GABRB3: variants seen among roughly 807,000 people sequenced by gnomAD.
GABRB3 encodes the protein gamma-aminobutyric acid type A receptor subunit beta3, also known as gamma-aminobutyric acid receptor subunit beta-3.
In GABRB3, 14 loss-of-function variants were observed where a neutral mutation model predicts 52.1. The observed-to-expected ratio is 0.27, with a 90% CI of 0.18 to 0.42. GABRB3 has a LOEUF of 0.42. GABRB3 is among the 10% of genes least tolerant of loss of function. The probability of loss-of-function intolerance (pLI) is 1.00; values close to 1 mark genes in which losing one functional copy is unlikely to be tolerated. For synonymous variants in GABRB3, 260 were observed against 232.3 expected (o/e 1.12, Z -1.08); for missense variants, 307 against 609.1 (o/e 0.50, Z 5.22).
At chr15:26,552,370 A>T (rs1399939567) in intron 8 of GABRB3, among the ~76,000 whole-genome samples, 3 of 152,196 alleles carry the variant, frequency 2.0e-5, no homozygotes, top group Non-Finnish European at 4.4e-5. Context: ...AAACTCTTTA[A>T]ATGACAAAGT....
intron 3 of GABRB3, among the ~76,000 whole-genome samples, chr15:26,732,396 T>A (rs1382696486): frequency 5.3e-5 from 8 of 152,076 alleles, no homozygotes; most frequent in African/African-American, 1.9e-4. Flanking sequence ...TCACACTTCT[T>A]CTTACAGTCC....
chr15:26,682,884 C>T (rs1888282089), intron 3 of GABRB3, among the ~76,000 whole-genome samples: 1 of 152,210 alleles, frequency 6.6e-6, no homozygotes, highest in African/African-American at 2.4e-5. Context: ...GCTGGGGACA[C>T]AGCCGGCCAC....
chr15:26,699,412 T>G lies in GABRB3; in HGVS notation c.240+72990A>C, dbSNP rs560577897. ...TCAGCAAGTTAAAATTCACAATGTC[T>G]GGCATCCAAACAGAGATTACCAGAC... On this transcript the variant is annotated intron_variant, in intron 3 of 8. Transcript: ENST00000311550. Among the ~76,000 whole-genome samples, 15 of 151,880 alleles carry G rather than the reference T, an allele frequency of 9.9e-5. No individual in the cohort carries two copies. The South Asian group carries it at 3.1e-3, about 32-fold the overall frequency.
At chr15:26,562,073 A>T (rs1441795143) in intron 7 of GABRB3, among the ~76,000 whole-genome samples, 1 of 152,154 alleles carries the variant, frequency 6.6e-6, no homozygotes, top group East Asian at 1.9e-4. Flanking sequence ...TCCCTCCCAT[A>T]GCAATAGACA....
chr15:26,712,314 A>AT (rs1318623256), intron 3 of GABRB3, among the ~76,000 whole-genome samples: 2 of 151,774 alleles, frequency 1.3e-5, no homozygotes, highest in African/African-American at 4.8e-5. Context: ...ATGCCTGCCC[A>AT]TATCAGTGGG....
intron 3 of GABRB3, among the ~76,000 whole-genome samples, chr15:26,665,156 G>T (rs1358063844): frequency 6.6e-6 from 1 of 151,784 alleles, no homozygotes; most frequent in East Asian, 1.9e-4. Flanking sequence ...TTTAACTATA[G>T]TCGCCCTACT....
At chr15:26,740,161 G>A (rs1177120559) in intron 3 of GABRB3, among the ~76,000 whole-genome samples, 1 of 152,136 alleles carries the variant, frequency 6.6e-6, no homozygotes, top group African/African-American at 2.4e-5. Flanking sequence ...CATCCTCACA[G>A]TGTGCCAGGT....
At chr15:26,769,697 T>C (rs890203576) in intron 3 of GABRB3, among the ~76,000 whole-genome samples, 16 of 152,156 alleles carry the variant, frequency 1.1e-4, no homozygotes, top group African/African-American at 3.9e-4. Context: ...AATTTAAATA[T>C]AATTTATTTC....
intron 3 of GABRB3, among the ~76,000 whole-genome samples, chr15:26,755,117 C>T (rs1890625432): frequency 1.3e-5 from 2 of 151,302 alleles, no homozygotes; most frequent in African/African-American, 4.9e-5. Context: ...GATTCTCCTG[C>T]CTCAGCCTCC....
At chr15:26,657,215 T>C (rs1363917202) in intron 3 of GABRB3, 1 of 152,202 alleles carries the variant, frequency 6.6e-6, no homozygotes. Context: ...GAGAGGCTTA[T>C]CTTCTTTAGT....
chr15:26,605,093 C>T (rs1399340749), intron 4 of GABRB3, among the ~76,000 whole-genome samples: 1 of 152,020 alleles, frequency 6.6e-6, no homozygotes, highest in African/African-American at 2.4e-5. Context: ...TTAATTAAAA[C>T]ATGACTAAGA....
At chr15:26,628,654 C>T (rs1016872260) in intron 3 of GABRB3, among the ~76,000 whole-genome samples, 4 of 151,768 alleles carry the variant, frequency 2.6e-5, no homozygotes, top group Admixed American at 6.6e-5. Context: ...TATCAACTGA[C>T]CCTACACAGC....
intron 8 of GABRB3, among the ~76,000 whole-genome samples, chr15:26,552,852 G>C (rs1418449071): frequency 6.6e-6 from 1 of 152,110 alleles, no homozygotes; most frequent in Non-Finnish European, 1.5e-5. Context: ...TGGGAGGGGG[G>C]TTCAACCAAT....
chr15:26,640,780 A>C (rs1009961292), intron 3 of GABRB3, among the ~76,000 whole-genome samples: 1 of 152,238 alleles, frequency 6.6e-6, no homozygotes, highest in Non-Finnish European at 1.5e-5. Context: ...ATGATTACAC[A>C]GCTTAGAGAT....
chr15:26,735,036 C>T (rs1890030522), intron 3 of GABRB3, among the ~76,000 whole-genome samples: 1 of 152,184 alleles, frequency 6.6e-6, no homozygotes, highest in Admixed American at 6.5e-5. Flanking sequence ...AAAACTCCTA[C>T]AACTCAACAA....
chr15:26,749,992 A>G (rs1423939311), intron 3 of GABRB3: 1 of 152,176 alleles, frequency 6.6e-6, no homozygotes, highest in Non-Finnish European at 1.5e-5. Flanking sequence ...AGGAGGAAGG[A>G]CCTGGGAGGA....
chr15:26,702,596 C>A (rs1158158734), intron 3 of GABRB3, among the ~76,000 whole-genome samples: 1 of 152,136 alleles, frequency 6.6e-6, no homozygotes, highest in Non-Finnish European at 1.5e-5. Flanking sequence ...AAACACTCAC[C>A]CACTGCTGAT....
chr15:26,737,619 G>A (rs1007080888), intron 3 of GABRB3, among the ~76,000 whole-genome samples: 1 of 145,612 alleles, frequency 6.9e-6, no homozygotes, highest in Non-Finnish European at 1.5e-5. Flanking sequence ...TTACTACAAT[G>A]TGTGTGTGTG....
intron 3 of GABRB3, among the ~76,000 whole-genome samples, chr15:26,730,617 T>C (rs1272676211): frequency 1.3e-5 from 2 of 152,158 alleles, no homozygotes; most frequent in Admixed American, 6.5e-5. Context: ...AGGACCATTA[T>C]TCTTCCTTTA....
Sources: allele counts gnomAD v4.1 joint callset (sites outside exome capture counted in the v4.1 genomes callset), GRCh38; gene constraint gnomAD v4.1.1; transcripts MANE v1.5; gene names NCBI Gene and HGNC (gene_info 2026-07-23, HGNC 2026-07-21).